Variants in TTN observed in about 807,000 individuals in gnomAD.
The protein encoded by TTN is titin.
TTN carries 1,525 observed loss-of-function variants against 3,223.0 expected under a neutral mutation model. The ratio of observed to expected loss-of-function variants is 0.47; its 90% CI spans 0.45 to 0.49. The LOEUF (loss-of-function observed/expected upper bound fraction) is 0.49, where lower values mean the gene tolerates loss of function less well. Ranked by LOEUF, TTN falls within the 20% of genes least tolerant of loss-of-function variation. TTN has a pLI of 0.00. For synonymous variants in TTN, 14,094 were observed against 15,161.0 expected (o/e 0.93, Z 5.17); for missense variants, 40,786 against 43,424.0 (o/e 0.94, Z 5.40).
At position 178,541,375 on chromosome 2, in the gene TTN, A is replaced by C. The variant is rs1694433744; in HGVS notation, c.97702T>G (p.Leu32568Val). Residue 32568 changes from leucine (L) to valine (V), a missense_variant, in exon 350 of 363, where the codon TTA becomes GTA. By Grantham distance (32) the Leu-to-Val change is conservative. Coordinates refer to ENST00000589042, the MANE Select transcript of TTN (RefSeq NM_001267550.2). ...RYRSTGLTEG[L>V]EYEHRVTAIN... ...GCTGTGACACGGTGTTCATATTCTA[A>C]GCCTTCAGTAAGGCCAGTGGAGCGG... is the stretch of plus-strand genomic sequence containing the variant. The C allele has an allele frequency of 6.2e-6, 10 of 1,607,970 alleles. No homozygotes were observed. The highest frequency in any genetic ancestry group is 8.5e-6 in the Non-Finnish European group (10 of 1,176,914).
At chr2:178,612,657 G>C (rs1276840585) in intron 265 of TTN, 81 bp from the exon 266 acceptor site, 2 of 1,540,748 alleles carry the variant, frequency 1.3e-6, no homozygotes, top group African/African-American at 2.8e-5. Context: ...CAGTCATTAA[G>C]AAGTAATGTA....
intron 292 of TTN, 33 bp downstream of exon 292, chr2:178,598,473 A>G (rs989759569): frequency 4.4e-6 from 7 of 1,594,260 alleles, no homozygotes; most frequent in Non-Finnish European, 4.3e-6. Flanking sequence ...TAGTTTATTC[A>G]TAGTGCATTT....
intron 16 of TTN, 21 bp from the exon 17 acceptor site, chr2:178,783,806 T>C (rs1429080095): frequency 6.2e-7 from 1 of 1,603,176 alleles, no homozygotes; most frequent in African/African-American, 1.3e-5. Context: ...ACAAATTATA[T>C]TACAAAATGC....
At position 178,534,381 on chromosome 2, in the gene TTN, T is replaced by C. The variant is rs1043486033; in HGVS notation, c.102234A>G (p.Glu34078=). ...LQHPWLKQKI[E]RVSTKVIRTL... The stretch of plus-strand genomic sequence containing the variant: ...TTCTGATAACTTTAGTACTGACTCT[T>C]TCTATCTTCTGCTTCAACCATGGGT... The change falls in exon 358 of 363, where the codon GAA becomes GAG. Residue 34078 remains glutamate, a synonymous_variant. Transcript: ENST00000589042. 1.9e-6 allele frequency: 3 copies of C among 1,610,704 alleles called. No individual in the cohort carries two copies. The highest frequency in any genetic ancestry group is 2.5e-6 in the Non-Finnish European group (3 of 1,179,798).
rs375347596 is a variant in TTN, at chr2:178,740,039, T to A, written c.13194A>T (p.Gln4398His). The A allele has an allele frequency of 1.4e-5, 22 of 1,613,880 alleles. No individual in the cohort carries two copies. The Admixed American group carries it at 2.0e-4, about 15-fold the overall frequency. ...CGGCTGCTTGCAAAGCCCGGCAGAT[T>A]TGAATTTTCAGGTTTAATCTCTGCT... ...PEEQRLNLKI[Q>H]ICRALQAAVA... Residue 4398 changes from glutamine (Q) to histidine (H), a missense_variant, in exon 48 of 363, where the codon CAA (glutamine) becomes CAT (histidine). Coordinates refer to ENST00000589042, the MANE Select transcript of TTN (RefSeq NM_001267550.2).
rs879095022 is a variant in TTN, at chr2:178,548,788, G to T, written c.92838C>A (p.Phe30946Leu). Residue 30946 changes from phenylalanine (F) to leucine (L), a missense_variant, in exon 339 of 363, where the codon TTC becomes TTA. Coordinates refer to ENST00000589042, the MANE Select transcript of TTN (RefSeq NM_001267550.2). The surrounding 1 kb of genome is among the most constrained non-coding windows in gnomAD (Gnocchi z 4.3). ...VVRAGASIRL[F>L]IAYQGRPTPT... ...GAGTAGGTCTACCTTGGTAGGCAAT[G>T]AAGAGGCGAATACTGGCCCCAGCTC... 1.2e-6 allele frequency: 2 copies of T among 1,612,866 alleles called. No homozygotes were observed. Among genetic ancestry groups the T allele is most frequent in the Non-Finnish European group, 1.7e-6 (2 of 1,179,782 alleles).
intron 16 of TTN, 44 bp from the exon 17 acceptor site, chr2:178,783,829 G>T: frequency 6.6e-7 from 1 of 1,522,578 alleles, no homozygotes. Flanking sequence ...ATGAAATTAA[G>T]GGAAATCTCA....
chr2:178,636,723 A>C lies in TTN; in HGVS notation c.41004T>G (p.Pro13668=). The part of the protein sequence containing the change: ...KLRPGSGGEK[P]PDEAPFTYQL... ...GGTAGGTGAACGGGGCTTCATCAGG[A>C]GGTTTCTCTCCACCACTTCCTGGCC... The change falls in exon 225 of 363, where the codon CCT becomes CCG. Residue 13668 remains proline (P), a synonymous_variant. Transcript: ENST00000589042. This position sits in a 1 kb window ranked among gnomAD's most constrained non-coding sequence, Gnocchi z 4.3. 6.2e-7 allele frequency: 1 copy of C among 1,612,996 alleles called. No individual in the cohort carries two copies.
rs771385738 is a variant in TTN at position 178,542,933 on chromosome 2, A to G, written c.96921T>C (p.Asp32307=). The change falls in exon 348 of 363, where the codon GAT becomes GAC. Residue 32307 remains aspartate, a synonymous_variant. Coordinates refer to ENST00000589042, the MANE Select transcript of TTN (RefSeq NM_001267550.2). ...VQDLRVLPTI[D]LSTMPQKTIH... The stretch of plus-strand genomic sequence containing the variant: ...TGGTCTTCTGAGGCATTGTAGAAAG[A>G]TCGATTGTTGGCAACACTATGGGAA... 19 of 1,602,460 alleles carry G rather than the reference A, an allele frequency of 1.2e-5. No homozygotes were observed. The highest frequency in any genetic ancestry group is 1.5e-5 in the Non-Finnish European group (18 of 1,171,994).
At position 178,563,571 on chromosome 2, in the gene TTN, T is replaced by C. The variant is rs1060500417; in HGVS notation, c.82561A>G (p.Lys27521Glu). The change falls in exon 326 of 363, where the codon AAG becomes GAG. Residue 27521 changes from lysine to glutamate, a missense_variant. Transcript: ENST00000589042. This position sits in a 1 kb window ranked among gnomAD's most constrained non-coding sequence, Gnocchi z 4.5. ...KEGVRWTKCN[K>E]KTLTDLRLRV... ...AGCCGCAGATCCGTTAATGTTTTCT[T>C]GTTGCACTTGGTCCATCTAACGCCT... 1.2e-6 allele frequency: 2 copies of C among 1,613,828 alleles called. No homozygotes were observed. The highest frequency in any genetic ancestry group is 1.7e-6 in the Non-Finnish European group (2 of 1,179,762).
In TTN at chr2:178,574,455, C is replaced by T. The variant is rs753690633; in HGVS notation, c.71677G>A (p.Asp23893Asn). 1.5e-5 allele frequency: 25 copies of T among 1,613,504 alleles called. No individual in the cohort carries two copies. The highest frequency in any genetic ancestry group is 2.1e-5 in the Non-Finnish European group (25 of 1,179,640). The change falls in exon 326 of 363, where the codon GAT becomes AAT. Residue 23893 changes from aspartate (D) to asparagine (N), a missense_variant. Transcript: ENST00000589042. The stretch of plus-strand genomic sequence containing the variant: ...ACCCGGAACTCATAAGCAATACCAT[C>T]TGTAAGTCCACTTGATTTGAAAATG... ...GNIFKSSGLT[D>N]GIAYEFRVIA... is the part of the protein sequence containing the mutation.
chr2:178,789,033 G>A (rs1289417585), intron 13 of TTN, among the ~76,000 whole-genome samples: 2 of 151,922 alleles, frequency 1.3e-5, no homozygotes, highest in African/African-American at 2.4e-5. Flanking sequence ...TACATCTTCC[G>A]TGTTTTTAAA....
In TTN at chr2:178,610,115, A is replaced by C. The variant is rs751177363; in HGVS notation, c.51411T>G (p.Asn17137Lys). 5 of 1,612,710 alleles carry C rather than the reference A, an allele frequency of 3.1e-6. No homozygotes were observed. In the African/African-American group the frequency reaches 6.7e-5, roughly 22 times the overall value. ...VGGGEYIELK[N>K]PVIAQDPKQP... ...GCTTTGGATCTTGAGCAATGACTGG[A>C]TTTTTCAGTTCAATATATTCTCCTC... is the stretch of plus-strand genomic sequence containing the variant. The change falls in exon 271 of 363, where the codon AAT becomes AAG. Residue 17137 changes from asparagine to lysine, a missense_variant. Coordinates refer to ENST00000589042, the MANE Select transcript of TTN (RefSeq NM_001267550.2).
chr2:178,580,653 C>A, intron 316 of TTN, 44 bp from the exon 317 acceptor site: 4 of 1,550,838 alleles, frequency 2.6e-6, no homozygotes, highest in Admixed American at 2.1e-5. Context: ...ATTTAATAGT[C>A]AAATGTATTT....
rs755629576 is a variant in TTN, at chr2:178,770,469, A to G, written c.8323T>C (p.Ser2775Pro). ...CTTCCAAGCCTGAAGCCATAAACAG[A>G]CTCATCCACGATGGCACAGTTTTTA... ...RIKNCAIVDE[S>P]VYGFRLGRLG... Residue 2775 changes from serine to proline, a missense_variant, in exon 35 of 363, where the codon TCT (serine) becomes CCT (proline). By Grantham distance (74) the Ser-to-Pro change is moderately conservative. Coordinates refer to ENST00000589042, the MANE Select transcript of TTN (RefSeq NM_001267550.2). The G allele has an allele frequency of 2.5e-6, 4 of 1,613,896 alleles. No homozygotes were observed. The African/African-American group carries it at 5.3e-5, about 22-fold the overall frequency.
chr2:178,800,947 T>G (rs563959187), intron 3 of TTN, among the ~76,000 whole-genome samples: 180 of 152,334 alleles, frequency 1.2e-3, no homozygotes, highest in African/African-American at 4.0e-3. Context: ...TTCTTTGTTT[T>G]AAATAAAAGC....
At position 178,617,986 on chromosome 2, in the gene TTN, C is replaced by T; in HGVS notation, c.47365G>A (p.Glu15789Lys). ...WEPPEYDGGA[E>K]ITNYVIELRD... Reference sequence around the variant, plus strand: ...AATTCAATGACGTAGTTTGTGATCTCAGCACCTCCATCATACTCTGGTGGT... The same window carrying T: ...AATTCAATGACGTAGTTTGTGATCTTAGCACCTCCATCATACTCTGGTGGT... Residue 15789 changes from glutamate to lysine, a missense_variant, in exon 253 of 363, where the codon GAG becomes AAG. Transcript: ENST00000589042. 9.9e-6 allele frequency: 16 copies of T among 1,612,634 alleles called. No homozygotes were observed. Among genetic ancestry groups the T allele is most frequent in the Non-Finnish European group, 1.4e-5 (16 of 1,179,128 alleles).
At chr2:178,806,516 T>C (rs536513287) in intron 1 of TTN, among the ~76,000 whole-genome samples, 85 of 152,370 alleles carry the variant, frequency 5.6e-4, no homozygotes, top group Non-Finnish European at 1.0e-3. Context: ...GAAGAGATTC[T>C]GAATATTTTA....
intron 49 of TTN, among the ~76,000 whole-genome samples, chr2:178,736,399 T>C (rs1202896966): frequency 2.6e-5 from 4 of 152,234 alleles, no homozygotes; most frequent in African/African-American, 9.6e-5. Context: ...GATACTTTAA[T>C]TCTGCAAATT....
Sources: allele counts gnomAD v4.1 joint callset (sites outside exome capture counted in the v4.1 genomes callset), GRCh38; gene constraint gnomAD v4.1.1; non-coding constraint Gnocchi (gnomAD v3.1); transcripts MANE v1.5; gene names NCBI Gene and HGNC (gene_info 2026-07-23, HGNC 2026-07-21).